Variants in ADGRD1 observed in about 807,000 individuals in gnomAD.
ADGRD1 encodes the protein adhesion G protein-coupled receptor D1, also known as G-protein coupled receptor 133.
Under a neutral mutation model 113.4 loss-of-function variants are expected in ADGRD1, and 77 were observed. The ratio of observed to expected loss-of-function variants is 0.68; its 90% CI spans 0.57 to 0.82. The LOEUF (loss-of-function observed/expected upper bound fraction) is 0.82, where lower values mean the gene tolerates loss of function less well. Among genes scored for constraint, ADGRD1 ranks in the 40% least tolerant of loss-of-function variants. The pLI, the probability that ADGRD1 is intolerant of heterozygous loss-of-function variation, is 0.00. For synonymous variants in ADGRD1, 474 were observed against 475.0 expected (o/e 1.00, Z 0.03); for missense variants, 1,036 against 1,139.1 (o/e 0.91, Z 1.30).
intron 9 of ADGRD1, chr12:131,002,512 G>A: frequency 1.0e-6 from 1 of 991,002 alleles, no homozygotes; most frequent in Non-Finnish European, 1.2e-6. Context: ...AAGGCAGGAA[G>A]AGAAGCAGTG....
chr12:130,976,670 C>T (rs369863065), intron 4 of ADGRD1: 1 of 152,118 alleles, frequency 6.6e-6, no homozygotes, highest in African/African-American at 2.4e-5. Flanking sequence ...CCCCAGCCCA[C>T]GAGGTTTCCA....
chr12:130,993,737 G>C (rs1003889965), intron 8 of ADGRD1: 2 of 152,372 alleles, frequency 1.3e-5, no homozygotes, highest in African/African-American at 4.8e-5. Flanking sequence ...AGCGGACTTA[G>C]ACTTCAGGCC....
At chr12:131,015,768 G>A (rs1031619921) in intron 13 of ADGRD1, among the ~76,000 whole-genome samples, 10 of 152,160 alleles carry the variant, frequency 6.6e-5, no homozygotes, top group Admixed American at 1.3e-4. Context: ...CGCCCCTCCC[G>A]GTGTCCCTCT....
At chr12:131,038,224 C>G (rs1881745661) in intron 13 of ADGRD1, among the ~76,000 whole-genome samples, 1 of 152,256 alleles carries the variant, frequency 6.6e-6, no homozygotes, top group African/African-American at 2.4e-5. Context: ...TCAGATGACC[C>G]AGCAGTCTGG....
At chr12:131,079,152 A>G (rs1407927499) in intron 14 of ADGRD1, among the ~76,000 whole-genome samples, 1 of 152,176 alleles carries the variant, frequency 6.6e-6, no homozygotes, top group Non-Finnish European at 1.5e-5. Flanking sequence ...TAGTGTGTTG[A>G]GCGTCACCAC....
intron 14 of ADGRD1, among the ~76,000 whole-genome samples, chr12:131,082,582 C>T (rs969440882): frequency 6.6e-6 from 1 of 151,544 alleles, no homozygotes; most frequent in Non-Finnish European, 1.5e-5. Flanking sequence ...AATGTTCAGG[C>T]CCCCCCCTCA....
chr12:131,135,711 G>C (rs910202142), intron 21 of ADGRD1, among the ~76,000 whole-genome samples: 1 of 152,036 alleles, frequency 6.6e-6, no homozygotes, highest in Non-Finnish European at 1.5e-5. Context: ...CTCCGTCCTG[G>C]TTCCTCCTCA....
At chr12:131,028,542 G>A (rs1172186734) in intron 13 of ADGRD1, among the ~76,000 whole-genome samples, 1 of 152,190 alleles carries the variant, frequency 6.6e-6, no homozygotes, top group Non-Finnish European at 1.5e-5. Context: ...GTAGTTTCCT[G>A]TGTTACCTGG....
chr12:131,047,350 T>C (rs931672314), intron 13 of ADGRD1, among the ~76,000 whole-genome samples: 9 of 152,114 alleles, frequency 5.9e-5, no homozygotes, highest in African/African-American at 2.2e-4. Flanking sequence ...TGCTCCGGTG[T>C]CCTCCGCACC....
chr12:131,077,882 T>C (rs530368286), intron 14 of ADGRD1, among the ~76,000 whole-genome samples: 1 of 152,360 alleles, frequency 6.6e-6, no homozygotes, highest in Admixed American at 6.5e-5. Flanking sequence ...GTCCTGGGAC[T>C]ACAGGTGTGA....
At chr12:131,073,292 C>G (rs75063181) in intron 13 of ADGRD1, among the ~76,000 whole-genome samples, 1 of 152,198 alleles carries the variant, frequency 6.6e-6, no homozygotes, top group East Asian at 1.9e-4. Flanking sequence ...TTTTCCTTGT[C>G]GTATCTCTCC....
At chr12:131,094,755 T>C (rs1887159243) in intron 15 of ADGRD1, among the ~76,000 whole-genome samples, 1 of 152,236 alleles carries the variant, frequency 6.6e-6, no homozygotes, top group South Asian at 2.1e-4. Flanking sequence ...CAAAGCCTGC[T>C]GGGTCCTTCT....
intron 13 of ADGRD1, among the ~76,000 whole-genome samples, chr12:131,046,768 C>CCCTCCCTGGTCAGTGT (rs1393683310): frequency 7.1e-6 from 1 of 141,594 alleles, no homozygotes; most frequent in African/African-American, 2.7e-5. Context: ...GGTCAGTGCT[C>CCCTCCCTGGTCAGTGT]CCTCCCTGGT....
chr12:131,116,430 A>G lies in ADGRD1; in HGVS notation c.2042-1955A>G, dbSNP rs181991966. On this transcript the variant is annotated intron_variant, in intron 18 of 24. Transcript: ENST00000261654. ...AAGTATTTCAGAGACAAGACTGTCC[A>G]GGAAATGTCTTTCCAGGGTAATTAA... Among the ~76,000 whole-genome samples, 19 of 143,124 alleles carry G rather than the reference A, an allele frequency of 1.3e-4. No homozygotes were observed. The East Asian group carries it at 3.5e-3, about 26-fold the overall frequency. The allele number at this position is 143,124 out of a possible 152,430, so 93.9% of individuals were successfully genotyped here.
chr12:131,077,035 G>A (rs1885676704), intron 14 of ADGRD1, among the ~76,000 whole-genome samples, 161 bp downstream of exon 14: 1 of 152,210 alleles, frequency 6.6e-6, no homozygotes, highest in Admixed American at 6.5e-5. Context: ...AGGGCCTGGT[G>A]GCAGTGCTGG....
intron 13 of ADGRD1, among the ~76,000 whole-genome samples, chr12:131,032,173 G>A (rs1880842105): frequency 8.2e-6 from 1 of 121,304 alleles, no homozygotes; most frequent in South Asian, 2.2e-4. Flanking sequence ...GCTCCCCCAG[G>A]CTCTACTGAA....
At chr12:131,133,352 C>T (rs1334007051) in intron 21 of ADGRD1, among the ~76,000 whole-genome samples, 1 of 152,236 alleles carries the variant, frequency 6.6e-6, no homozygotes, top group Admixed American at 6.5e-5. Flanking sequence ...CCATCTCTAC[C>T]CCACTGCGCC....
intron 13 of ADGRD1, among the ~76,000 whole-genome samples, chr12:131,042,128 A>AT (rs939462488): frequency 6.6e-5 from 10 of 152,192 alleles, no homozygotes; most frequent in African/African-American, 2.2e-4. Flanking sequence ...CCACAGGGAT[A>AT]TTTTTTTACA....
chr12:130,991,743 T>C (rs1874413389), intron 7 of ADGRD1, among the ~76,000 whole-genome samples: 2 of 152,294 alleles, frequency 1.3e-5, no homozygotes, highest in Non-Finnish European at 2.9e-5. Context: ...GTTGCACCTG[T>C]AGTCCCAGCT....
Sources: allele counts gnomAD v4.1 joint callset (sites outside exome capture counted in the v4.1 genomes callset), GRCh38; gene constraint gnomAD v4.1.1; transcripts MANE v1.5; gene names NCBI Gene and HGNC (gene_info 2026-07-23, HGNC 2026-07-21).